Variants in PAGE2B observed in about 807,000 individuals in gnomAD.
PAGE2B encodes PAGE family member 2B, also known as putative G antigen family E member 3.
A neutral mutation model predicts 7.6 loss-of-function variants in PAGE2B; 5 were observed. That is an observed-to-expected ratio of 0.66 (90% confidence interval 0.34 to 1.38). The LOEUF is 1.38. Ranked by LOEUF, PAGE2B falls within the 40% of genes most tolerant of loss-of-function variation. The pLI, the probability that PAGE2B is intolerant of heterozygous loss-of-function variation, is 0.04. For missense variants in PAGE2B, 70 were observed against 78.4 expected, an observed-to-expected ratio of 0.89 and a Z score of 0.41; for synonymous variants, 29 against 26.7, an observed-to-expected ratio of 1.09 and a Z score of -0.27.
At chrX:55,055,384 T>G in the PAGE2B span, 1 of 109,359 alleles carries the variant, frequency 9.1e-6, no homozygotes, top group Non-Finnish European at 1.9e-5. Context: ...TATATATATA[T>G]AAACATAAGA....
At chrX:55,047,379 C>T in the PAGE2B span, among the ~76,000 whole-genome samples, 3 of 111,610 alleles carry the variant, frequency 2.7e-5, no homozygotes, top group African/African-American at 9.8e-5. Context: ...AATAAACATA[C>T]GTGTGCATGT....
At chrX:55,051,902 C>T in the PAGE2B span, among the ~76,000 whole-genome samples, 3 of 111,500 alleles carry the variant, frequency 2.7e-5, no homozygotes, top group Admixed American at 9.5e-5. Flanking sequence ...TTAGAGTTTC[C>T]GGTTTTTCTG....
At chrX:55,060,500 T>G in the PAGE2B span, among the ~76,000 whole-genome samples, 1 of 111,971 alleles carries the variant, frequency 8.9e-6, no homozygotes, top group Non-Finnish European at 1.9e-5. Context: ...GTTGTCTGAT[T>G]TCCTTATATA....
At chrX:55,076,456 A>G in intron 2 of PAGE2B, 113 bp from the exon 3 acceptor site, 1 of 695,615 alleles carries the variant, frequency 1.4e-6, no homozygotes, top group Non-Finnish European at 2.1e-6. Context: ...ATATACATAT[A>G]TATGTGTTTA....
chrX:55,048,396 G>A, the PAGE2B span, among the ~76,000 whole-genome samples: 30 of 111,477 alleles, frequency 2.7e-4, no homozygotes, highest in African/African-American at 2.9e-4. Flanking sequence ...TACCTTGGGA[G>A]GTATGGCCAT....
At chrX:55,077,653 G>A (rs1347290137) in intron 4 of PAGE2B, 129 bp downstream of exon 4, 1 of 1,117,493 alleles carries the variant, frequency 8.9e-7, no homozygotes, top group Non-Finnish European at 1.2e-6. Context: ...ATGTAGTTCA[G>A]ACCCCAAATG....
At chrX:55,029,719 C>G in the PAGE2B span, among the ~76,000 whole-genome samples, 4 of 111,677 alleles carry the variant, frequency 3.6e-5, no homozygotes, top group Non-Finnish European at 7.5e-5. Context: ...ACTTATGTAC[C>G]TAATGTGTGA....
At chrX:55,067,651 C>G in the PAGE2B span, among the ~76,000 whole-genome samples, 2 of 111,884 alleles carry the variant, frequency 1.8e-5, no homozygotes, top group African/African-American at 6.5e-5. Context: ...AGTGGTTGAA[C>G]TAATTTACAT....
the PAGE2B span, among the ~76,000 whole-genome samples, chrX:55,067,216 C>A: frequency 9.1e-6 from 1 of 110,453 alleles, no homozygotes; most frequent in Admixed American, 9.7e-5. Flanking sequence ...AGCCCCCCAC[C>A]CCTGACAGGC....
chrX:55,069,595 T>A, the PAGE2B span, among the ~76,000 whole-genome samples: 2 of 111,450 alleles, frequency 1.8e-5, no homozygotes, highest in African/African-American at 6.5e-5. Flanking sequence ...TTTCTATTAT[T>A]TGGAGTAGTT....
chrX:55,031,049 G>A, the PAGE2B span: 15 of 322,468 alleles, frequency 4.7e-5, no homozygotes, highest in Admixed American at 9.9e-5. Flanking sequence ...GCCTTCTGCC[G>A]GCCTGGCCCT....
At chrX:55,046,856 G>A in the PAGE2B span, among the ~76,000 whole-genome samples, 1 of 112,185 alleles carries the variant, frequency 8.9e-6, no homozygotes, top group East Asian at 2.8e-4. Context: ...AATTCATAAA[G>A]AGAATTGAAA....
At chrX:55,073,277 A>G (rs902427334), upstream of PAGE2B, among the ~76,000 whole-genome samples, 1 of 111,582 alleles carries the variant, frequency 9.0e-6, no homozygotes, top group African/African-American at 3.3e-5. Flanking sequence ...GCCAGATAGC[A>G]CAGTACCTGA....
chrX:55,051,541 C>A, the PAGE2B span, among the ~76,000 whole-genome samples: 1 of 111,484 alleles, frequency 9.0e-6, no homozygotes, highest in Non-Finnish European at 1.9e-5. Flanking sequence ...CTTCTATTCA[C>A]GCTTCATTTC....
At chrX:55,059,107 A>G in the PAGE2B span, among the ~76,000 whole-genome samples, 742 of 108,064 alleles carry the variant, frequency 6.9e-3, 3 homozygotes, top group Middle Eastern at 0.014. Context: ...TAGTGCTGCA[A>G]TAACAAAATA....
chrX:55,038,853 G>A, the PAGE2B span, among the ~76,000 whole-genome samples: 2 of 111,740 alleles, frequency 1.8e-5, no homozygotes, highest in Non-Finnish European at 3.8e-5. Flanking sequence ...AGGTAGCACT[G>A]ACGTCAAATA....
the PAGE2B span, among the ~76,000 whole-genome samples, chrX:55,034,204 G>A: frequency 9.0e-6 from 1 of 111,669 alleles, no homozygotes; most frequent in Non-Finnish European, 1.9e-5. Flanking sequence ...TCAGAGAGTA[G>A]CATGATAGCT....
the PAGE2B span, among the ~76,000 whole-genome samples, chrX:55,041,111 T>G: frequency 1.0e-5 from 1 of 100,407 alleles, no homozygotes; most frequent in African/African-American, 3.7e-5. Context: ...AGACGGAGTC[T>G]TTCTCTGTCG....
At chrX:55,074,053 G>A (rs1936476865), upstream of PAGE2B, among the ~76,000 whole-genome samples, 1 of 111,576 alleles carries the variant, frequency 9.0e-6, no homozygotes, top group African/African-American at 3.3e-5. Flanking sequence ...AAAAATAAAA[G>A]TGCCCATGAA....
Sources: allele counts gnomAD v4.1 joint callset (sites outside exome capture counted in the v4.1 genomes callset), GRCh38; gene constraint gnomAD v4.1.1; transcripts MANE v1.5; gene names NCBI Gene and HGNC (gene_info 2026-07-23, HGNC 2026-07-21).